Variants in TENM4 observed in about 807,000 individuals in gnomAD.
TENM4 encodes the protein teneurin transmembrane protein 4, also known as teneurin-4.
Under a neutral mutation model 243.3 loss-of-function variants are expected in TENM4, and 82 were observed. That is an observed-to-expected ratio of 0.34 (90% confidence interval 0.28 to 0.40). The LOEUF (loss-of-function observed/expected upper bound fraction) is 0.40. TENM4 is among the 10% of genes least tolerant of loss of function. The probability of loss-of-function intolerance (pLI) is 1.00; values close to 1 mark genes in which losing one functional copy is unlikely to be tolerated. For missense variants in TENM4, 3,138 were observed against 3,673.3 expected (o/e 0.85, Z 3.77); for synonymous variants, 1,412 against 1,456.3 (o/e 0.97, Z 0.69).
intron 2 of TENM4, among the ~76,000 whole-genome samples, chr11:79,261,464 A>C (rs1453237038): frequency 6.6e-6 from 1 of 152,108 alleles, no homozygotes; most frequent in East Asian, 1.9e-4. Context: ...ATGCTGGGGG[A>C]AGCATCCTGG....
intron 28 of TENM4, among the ~76,000 whole-genome samples, chr11:78,693,461 T>C (rs1426405204): frequency 6.6e-6 from 1 of 152,198 alleles, no homozygotes; most frequent in Non-Finnish European, 1.5e-5. Flanking sequence ...CAAATAAAAA[T>C]CTTTGGGTTC....
chr11:79,106,296 C>G (rs6592826), intron 4 of TENM4, among the ~76,000 whole-genome samples: 21,714 of 152,218 alleles, frequency 0.14, 1,628 homozygotes, highest in Middle Eastern at 0.19. Context: ...TGCTTTTATT[C>G]ATGGATCACA....
At chr11:78,810,148 T>C (rs1857467825) in intron 14 of TENM4, among the ~76,000 whole-genome samples, 2 of 151,962 alleles carry the variant, frequency 1.3e-5, no homozygotes, top group South Asian at 4.2e-4. Flanking sequence ...GGAGGAGAAG[T>C]GTGGAGGACA....
intron 15 of TENM4, among the ~76,000 whole-genome samples, chr11:78,800,576 C>T (rs1299339529): frequency 3.3e-5 from 5 of 152,078 alleles, no homozygotes; most frequent in South Asian, 2.1e-4. Context: ...ACAGAGCTTT[C>T]GGCTGCAGCC....
At chr11:78,820,638 T>C (rs1857705996) in intron 12 of TENM4, among the ~76,000 whole-genome samples, 1 of 152,148 alleles carries the variant, frequency 6.6e-6, no homozygotes, top group Non-Finnish European at 1.5e-5. Flanking sequence ...CAATCTGACT[T>C]GGTCAAATGA....
intron 1 of TENM4, among the ~76,000 whole-genome samples, chr11:79,395,562 A>G (rs1392447219): frequency 1.3e-5 from 2 of 152,202 alleles, no homozygotes; most frequent in Non-Finnish European, 2.9e-5. Flanking sequence ...TGTTGTTGAC[A>G]AATTCGCCCA....
At chr11:79,164,688 G>T (rs1269494508) in intron 3 of TENM4, among the ~76,000 whole-genome samples, 1 of 150,736 alleles carries the variant, frequency 6.6e-6, no homozygotes, top group Non-Finnish European at 1.5e-5. Flanking sequence ...CACAGGGGGA[G>T]GTATTTGAAT....
chr11:79,409,481 G>C (rs1436635543), intron 1 of TENM4, among the ~76,000 whole-genome samples: 1 of 152,174 alleles, frequency 6.6e-6, no homozygotes, highest in East Asian at 1.9e-4. Context: ...AGCGTGGCTA[G>C]GGAATTTCAC....
chr11:78,694,824 A>C (rs1280496557), intron 28 of TENM4, among the ~76,000 whole-genome samples: 1 of 150,916 alleles, frequency 6.6e-6, no homozygotes, highest in African/African-American at 2.4e-5. Context: ...CTCACTCCTC[A>C]CTCCTTCTTT....
chr11:79,181,412 C>T (rs1863279481), intron 3 of TENM4, among the ~76,000 whole-genome samples: 1 of 152,122 alleles, frequency 6.6e-6, no homozygotes, highest in African/African-American at 2.4e-5. Context: ...CAAAACCTCT[C>T]AGTAAATGAG....
chr11:79,329,646 G>A (rs1857030204), intron 1 of TENM4, among the ~76,000 whole-genome samples: 1 of 152,202 alleles, frequency 6.6e-6, no homozygotes, highest in African/African-American at 2.4e-5. Context: ...ACCTGGGGCA[G>A]AGCAGTCCCA....
intron 6 of TENM4, among the ~76,000 whole-genome samples, chr11:79,039,014 G>A (rs1355235877): frequency 6.6e-6 from 1 of 152,202 alleles, no homozygotes; most frequent in Non-Finnish European, 1.5e-5. Flanking sequence ...AAGGGAGAAT[G>A]TACCCCAGGG....
chr11:79,012,939 G>T (rs773247863), intron 6 of TENM4, among the ~76,000 whole-genome samples: 2 of 152,156 alleles, frequency 1.3e-5, no homozygotes, highest in Non-Finnish European at 2.9e-5. Flanking sequence ...TGACACTGAG[G>T]CTCCAGGGGA....
chr11:79,099,748 T>C (rs870332), intron 4 of TENM4, among the ~76,000 whole-genome samples: 24,354 of 152,184 alleles, frequency 0.16, 2,239 homozygotes, highest in Middle Eastern at 0.27. Flanking sequence ...AACATAAAAG[T>C]TGGCCATAGC....
chr11:79,110,725 C>G (rs1049151380), intron 4 of TENM4, among the ~76,000 whole-genome samples: 5 of 152,156 alleles, frequency 3.3e-5, no homozygotes, highest in African/African-American at 9.7e-5. Context: ...AGGCTCCCAC[C>G]TGGGAGGATG....
At chr11:78,858,370 A>G (rs1308321380) in intron 10 of TENM4, among the ~76,000 whole-genome samples, 1 of 151,546 alleles carries the variant, frequency 6.6e-6, no homozygotes, top group Non-Finnish European at 1.5e-5. Context: ...TATATGCTGA[A>G]AAAAAAAAGT....
At chr11:79,247,256 A>AAAATAC in intron 2 of TENM4, among the ~76,000 whole-genome samples, 1 of 152,050 alleles carries the variant, frequency 6.6e-6, no homozygotes, top group Non-Finnish European at 1.5e-5. Flanking sequence ...ATCTCTACTA[A>AAAATAC]AAATACAAAA....
At chr11:79,067,610 C>G (rs764926926) in intron 5 of TENM4, among the ~76,000 whole-genome samples, 1 of 35,602 alleles carries the variant, frequency 2.8e-5, no homozygotes, top group Non-Finnish European at 9.0e-5. Flanking sequence ...TAAGACATCT[C>G]GGGACTAGGA....
At chr11:78,861,695 C>T (rs916767773) in intron 10 of TENM4, among the ~76,000 whole-genome samples, 2 of 152,154 alleles carry the variant, frequency 1.3e-5, no homozygotes, top group African/African-American at 4.8e-5. Context: ...ATACTCTGAC[C>T]AAGTATATGC....
Sources: allele counts gnomAD v4.1 joint callset (sites outside exome capture counted in the v4.1 genomes callset), GRCh38; gene constraint gnomAD v4.1.1; transcripts MANE v1.5; gene names NCBI Gene and HGNC (gene_info 2026-07-23, HGNC 2026-07-21).